The following LRRC4C variants were observed in gnomAD, a reference collection of about 807,000 sequenced individuals.
The protein encoded by LRRC4C is leucine rich repeat containing 4C.
LRRC4C carries 5 observed loss-of-function variants against 33.6 expected under a neutral mutation model. The observed-to-expected ratio is 0.15, with a 90% CI of 0.08 to 0.31. The LOEUF is 0.31. LRRC4C is among the 10% of genes least tolerant of loss of function. The probability of loss-of-function intolerance (pLI) is 1.00; values close to 1 mark genes in which losing one functional copy is unlikely to be tolerated. For synonymous variants in LRRC4C, 329 were observed against 302.0 expected (o/e 1.09, Z -0.93); for missense variants, 560 against 796.7 (o/e 0.70, Z 3.58).
intron 1 of LRRC4C, among the ~76,000 whole-genome samples, chr11:40,983,477 T>C (rs1852686261): frequency 6.6e-6 from 1 of 152,086 alleles, no homozygotes; most frequent in Admixed American, 6.5e-5. Context: ...GGATGAAGAC[T>C]CCAAAAGCAA....
intron 2 of LRRC4C, among the ~76,000 whole-genome samples, chr11:40,775,962 T>G (rs1287533907): frequency 6.6e-6 from 1 of 151,098 alleles, no homozygotes; most frequent in East Asian, 1.9e-4. Flanking sequence ...TGTTAGTTTA[T>G]TGTGGATTTT....
chr11:40,257,476 T>G (rs1867301982), intron 4 of LRRC4C, among the ~76,000 whole-genome samples: 1 of 152,102 alleles, frequency 6.6e-6, no homozygotes. Context: ...AAACCGGAGT[T>G]TCATTCAGGT....
intron 1 of LRRC4C, among the ~76,000 whole-genome samples, chr11:41,176,619 A>G (rs532567691): frequency 6.6e-6 from 1 of 152,294 alleles, no homozygotes; most frequent in South Asian, 2.1e-4. Context: ...TATTTATACT[A>G]TATCTAATAG....
intron 1 of LRRC4C, among the ~76,000 whole-genome samples, chr11:41,330,663 C>G (rs1342485879): frequency 6.6e-6 from 1 of 152,164 alleles, no homozygotes; most frequent in Non-Finnish European, 1.5e-5. Context: ...CCTCGGCCAC[C>G]TGGGCTCAAG....
intron 2 of LRRC4C, among the ~76,000 whole-genome samples, chr11:40,752,204 A>G (rs547889843): frequency 7.5e-4 from 114 of 152,216 alleles, no homozygotes; most frequent in Non-Finnish European, 1.3e-3. Flanking sequence ...CAAAAATTTT[A>G]TGCTAAGACC....
At chr11:41,221,604 A>T (rs1364063996) in intron 1 of LRRC4C, among the ~76,000 whole-genome samples, 1 of 152,200 alleles carries the variant, frequency 6.6e-6, no homozygotes, top group Non-Finnish European at 1.5e-5. Context: ...TGCAGGAATA[A>T]GTTCATTGTA....
chr11:40,799,389 T>A (rs142943592), intron 2 of LRRC4C, among the ~76,000 whole-genome samples: 37 of 152,342 alleles, frequency 2.4e-4, no homozygotes, highest in African/African-American at 8.7e-4. Context: ...AGAAAAGTCC[T>A]CTCTTATGTT....
intron 3 of LRRC4C, among the ~76,000 whole-genome samples, chr11:40,351,369 A>T (rs1590403333): frequency 6.6e-6 from 1 of 152,104 alleles, no homozygotes; most frequent in East Asian, 1.9e-4. Context: ...AAGAATGTGC[A>T]TTCTGCAGCT....
chr11:40,883,967 A>G (rs2136046708), intron 2 of LRRC4C, among the ~76,000 whole-genome samples: 1 of 151,118 alleles, frequency 6.6e-6, no homozygotes, highest in East Asian at 2.0e-4. Context: ...ACATAGGTAT[A>G]CATATGCTAT....
In LRRC4C at chr11:41,263,198, A is replaced by G. The variant is rs187560383; in HGVS notation, c.-496+196233T>C. On this transcript the variant is annotated intron_variant, in intron 1 of 6. Coordinates refer to ENST00000528697, the MANE Select transcript of LRRC4C (RefSeq NM_001258419.2). ...AATTCTTTCAGAGCAAGTGAAACCT[A>G]TGCTTCTGGGAGTACTTCATGCCAA... Among the ~76,000 whole-genome samples the G allele has an allele frequency of 2.6e-3, 401 of 152,310 alleles. 8 individuals are homozygous for G. Among genetic ancestry groups the G allele is most frequent in the Non-Finnish European group, 6.9e-4 (47 of 68,018 alleles).
intron 4 of LRRC4C, among the ~76,000 whole-genome samples, chr11:40,274,424 T>TACACACACACACACACACACACACACAC: frequency 7.2e-6 from 1 of 139,062 alleles, no homozygotes; most frequent in African/African-American, 2.7e-5. Context: ...GACACACACA[T>TACACACACACACACACACACACACACAC]ACACACACAC....
intron 1 of LRRC4C, among the ~76,000 whole-genome samples, chr11:41,258,379 C>T (rs999432471): frequency 1.3e-5 from 2 of 151,882 alleles, no homozygotes; most frequent in African/African-American, 4.8e-5. Flanking sequence ...TATTTCATAC[C>T]ACCTACCCTT....
intron 1 of LRRC4C, among the ~76,000 whole-genome samples, chr11:41,167,073 T>C (rs747746682): frequency 7.9e-5 from 12 of 152,138 alleles, no homozygotes; most frequent in Non-Finnish European, 1.6e-4. Flanking sequence ...GCAAAACCAG[T>C]GACATACATT....
intron 2 of LRRC4C, among the ~76,000 whole-genome samples, chr11:40,776,065 T>A (rs1329353087): frequency 6.7e-6 from 1 of 149,748 alleles, no homozygotes; most frequent in Non-Finnish European, 1.5e-5. Context: ...GTATATGTGG[T>A]GAATCACATT....
chr11:40,603,900 A>G (rs1481828144), intron 3 of LRRC4C, among the ~76,000 whole-genome samples: 5 of 151,364 alleles, frequency 3.3e-5, no homozygotes, highest in Non-Finnish European at 7.4e-5. Flanking sequence ...ATCTGGTAGA[A>G]TAATTTAAAA....
chr11:40,876,690 G>A (rs1433792495), intron 2 of LRRC4C, among the ~76,000 whole-genome samples: 2 of 151,932 alleles, frequency 1.3e-5, no homozygotes, highest in African/African-American at 4.8e-5. Context: ...AGATCATGAG[G>A]TCAGGAGATT....
chr11:40,955,268 G>A (rs1958905835), intron 1 of LRRC4C, among the ~76,000 whole-genome samples: 1 of 151,808 alleles, frequency 6.6e-6, no homozygotes, highest in African/African-American at 2.4e-5. Context: ...TGGTACATGT[G>A]AATGTAGGTG....
chr11:41,020,518 A>G (rs1297437453), intron 1 of LRRC4C, among the ~76,000 whole-genome samples: 1 of 152,116 alleles, frequency 6.6e-6, no homozygotes, highest in Non-Finnish European at 1.5e-5. Context: ...TATGTGAAGA[A>G]ACAGACATGC....
intron 1 of LRRC4C, among the ~76,000 whole-genome samples, chr11:41,261,780 C>A (rs992798788): frequency 6.6e-6 from 1 of 152,050 alleles, no homozygotes; most frequent in Non-Finnish European, 1.5e-5. Flanking sequence ...CCAAAGGAAA[C>A]AGCATGATCA....
Sources: gnomAD v4.1 joint callset for allele counts (sites outside exome capture counted in the v4.1 genomes callset) on GRCh38, gnomAD v4.1.1 for gene constraint, MANE v1.5 for transcripts, NCBI Gene and HGNC (gene_info 2026-07-23, HGNC 2026-07-21) for gene names.